ZNF506: variants seen among roughly 807,000 people sequenced by gnomAD.
ZNF506 encodes zinc finger protein 506.
In ZNF506, 10 loss-of-function variants were observed where a neutral mutation model predicts 11.6. The observed-to-expected ratio is 0.86, with a 90% CI of 0.53 to 1.46. The LOEUF (loss-of-function observed/expected upper bound fraction) is 1.46. Among genes scored for constraint, ZNF506 ranks in the 40% most tolerant of loss-of-function variants. The pLI is 0.00. For synonymous variants in ZNF506, 156 were observed against 173.3 expected (o/e 0.90, Z 0.78); for missense variants, 425 against 521.2 (o/e 0.82, Z 1.80).
At chr19:19,818,188 C>T (rs921087297) in intron 1 of ZNF506, among the ~76,000 whole-genome samples, 6 of 152,162 alleles carry the variant, frequency 3.9e-5, no homozygotes, top group African/African-American at 9.6e-5. Flanking sequence ...TTTCAGACAA[C>T]GTATTATTTT....
intron 1 of ZNF506, among the ~76,000 whole-genome samples, chr19:19,817,772 A>G (rs751061362): frequency 1.3e-5 from 2 of 151,642 alleles, no homozygotes; most frequent in African/African-American, 4.8e-5. Context: ...AACTGTTTCA[A>G]TAGTCCTGTG....
rs2062708454 is a variant in ZNF506, at chr19:19,793,214, T to C, written c.*1338A>G. 6.6e-6 allele frequency among the ~76,000 whole-genome samples: 1 copy of C among 152,206 alleles called. No individual in the cohort carries two copies. ...TTATATACAAAAACAGCTTTAGTTG[T>C]GGATTCATTTTTATACTCAATACTC... On this transcript the variant is annotated 3_prime_UTR_variant, in exon 4 of 4. Coordinates refer to ENST00000540806, the MANE Select transcript of ZNF506 (RefSeq NM_001099269.3).
At chr19:19,799,564 A>C (rs1431501051) in intron 3 of ZNF506, 2 of 502,922 alleles carry the variant, frequency 4.0e-6, no homozygotes, top group East Asian at 6.6e-5. Context: ...ATAATTGATA[A>C]ATTTTCAAAT....
Position 19,795,372 on chromosome 19 carries a change from G to A in ZNF506, c.515C>T (p.Ser172Phe). The A allele has an allele frequency of 1.2e-6, 2 of 1,608,296 alleles. No individual in the cohort carries two copies. Among genetic ancestry groups the A allele is most frequent in the Admixed American group, 3.4e-5 (2 of 59,202 alleles). Residue 172 changes from serine to phenylalanine, a missense_variant, in exon 4 of 4, where the codon TCT becomes TTT. This residue lies in a region of ZNF506 where 226 missense variants were observed against 279.1 expected (regional missense o/e 0.81). Transcript: ENST00000540806. ...TTTCCCATATTCTATACATTTAAAAGATTTTTTTCCAGTATCTCTTATCTT... is the reference window on the plus strand; with the variant it reads ...TTTCCCATATTCTATACATTTAAAAAATTTTTTTCCAGTATCTCTTATCTT... ...KHKIRDTGKK[S>F]FKCIEYGKTF...
intron 3 of ZNF506, among the ~76,000 whole-genome samples, chr19:19,803,120 C>T (rs1378523914): frequency 1.3e-5 from 2 of 152,218 alleles, no homozygotes; most frequent in South Asian, 4.1e-4. Context: ...TGGGAAACTA[C>T]AAGACCCCTG....
At chr19:19,800,391 A>AATATATATATATATATAT (rs3062863) in intron 3 of ZNF506, among the ~76,000 whole-genome samples, 14 of 139,244 alleles carry the variant, frequency 1.0e-4, no homozygotes, top group Admixed American at 3.7e-4. Context: ...AACTAAACAG[A>AATATATATATATATATAT]ATATATATAT....
At chr19:19,805,525 C>A (rs2062828772) in intron 3 of ZNF506, among the ~76,000 whole-genome samples, 1 of 151,316 alleles carries the variant, frequency 6.6e-6, no homozygotes, top group Non-Finnish European at 1.5e-5. Flanking sequence ...GGAAAAAGAA[C>A]AAAGCAGAAG....
chr19:19,796,808 A>G (rs1416904290), intron 3 of ZNF506: 1 of 152,216 alleles, frequency 6.6e-6, no homozygotes, highest in Non-Finnish European at 1.5e-5. Context: ...AGAAGCAAAG[A>G]AACTGCAGTA....
intron 3 of ZNF506, among the ~76,000 whole-genome samples, chr19:19,801,909 ACATT>A (rs1398765713): frequency 1.7e-5 from 2 of 117,796 alleles, no homozygotes; most frequent in African/African-American, 8.1e-5. Context: ...ATTTAAACAA[ACATT>A]GTTAGGCCAG....
chr19:19,808,074 C>G (rs1268747672), intron 1 of ZNF506, among the ~76,000 whole-genome samples: 1 of 143,038 alleles, frequency 7.0e-6, no homozygotes, highest in Non-Finnish European at 1.5e-5. Flanking sequence ...AAAAATCTCT[C>G]AGGGAGCTAC....
chr19:19,818,611 T>A (rs1335314212), intron 1 of ZNF506, among the ~76,000 whole-genome samples: 1 of 152,212 alleles, frequency 6.6e-6, no homozygotes, highest in African/African-American at 2.4e-5. Context: ...ACAAATAGAA[T>A]GATTAGAAAC....
rs757160026 is a variant in ZNF506 at position 19,808,108 on chromosome 19, C to CTTTTTTTTTT, written c.4-1050_4-1041dup. On this transcript the variant is annotated intron_variant, in intron 1 of 3. Coordinates refer to ENST00000540806, the MANE Select transcript of ZNF506 (RefSeq NM_001099269.3). The stretch of plus-strand genomic sequence containing the variant: ...ACTTAACCAAGTGAATCATTAACCA[C>CTTTTTTTTTT]TTTTTTTTTTTTTTTTTTTTTTTTT... 3.2e-3 allele frequency among the ~76,000 whole-genome samples: 184 copies of CTTTTTTTTTT among 56,772 alleles called. 35 individuals are homozygous for CTTTTTTTTTT. The highest frequency in any genetic ancestry group is 6.2e-3 in the African/African-American group (80 of 12,970). 37.2% of individuals were successfully genotyped at this position (56,772 alleles called of 152,430 possible).
intron 3 of ZNF506, among the ~76,000 whole-genome samples, chr19:19,804,178 TC>T (rs1279377240): frequency 6.6e-6 from 1 of 152,086 alleles, no homozygotes; most frequent in African/African-American, 2.4e-5. Flanking sequence ...ATTTTTGCAA[TC>T]TACCCATCTG....
intron 3 of ZNF506, chr19:19,798,782 C>G (rs1424736387): frequency 6.9e-6 from 1 of 145,086 alleles, no homozygotes; most frequent in African/African-American, 2.6e-5. Context: ...CACAAAGATA[C>G]AAGAATCAAA....
At chr19:19,799,263 G>A (rs188163385) in intron 3 of ZNF506, 1 of 404,546 alleles carries the variant, frequency 2.5e-6, no homozygotes, top group Non-Finnish European at 4.4e-6. Context: ...TATAATTATA[G>A]TAGGATATTT....
intron 3 of ZNF506, among the ~76,000 whole-genome samples, chr19:19,799,694 C>T (rs1372619525): frequency 6.6e-6 from 1 of 152,030 alleles, no homozygotes; most frequent in East Asian, 1.9e-4. Flanking sequence ...GAATTTAACT[C>T]CATCTCAAAA....
intron 1 of ZNF506, among the ~76,000 whole-genome samples, chr19:19,811,131 A>G (rs2062879776): frequency 6.6e-6 from 1 of 152,146 alleles, no homozygotes; most frequent in African/African-American, 2.4e-5. Flanking sequence ...CTAATATGCA[A>G]TTTAAACAAA....
intron 3 of ZNF506, among the ~76,000 whole-genome samples, chr19:19,804,128 A>C (rs8106100): frequency 0.47 from 71,059 of 151,876 alleles, 18,002 homozygotes; most frequent in East Asian, 0.7. Flanking sequence ...CAAAAGAAAC[A>C]ACCATCAGAA....
chr19:19,819,555 C>T lies in ZNF506; in HGVS notation c.3+2046G>A, dbSNP rs146928326. Among the ~76,000 whole-genome samples the T allele has an allele frequency of 7.4e-3, 1,130 of 152,142 alleles. 10 individuals carry two copies. Among genetic ancestry groups the T allele is most frequent in the Admixed American group, 0.013 (194 of 15,280 alleles). On this transcript the variant is annotated intron_variant, in intron 1 of 3. Transcript: ENST00000540806. ...CCATGGTGGGTATCTTGGTTTATCCCCAGAAAGTACTAAAACCCAGGACCA... is the reference window on the plus strand; with the variant it reads ...CCATGGTGGGTATCTTGGTTTATCCTCAGAAAGTACTAAAACCCAGGACCA...
Sources: allele counts gnomAD v4.1 joint callset (sites outside exome capture counted in the v4.1 genomes callset), GRCh38; gene constraint gnomAD v4.1.1; regional missense constraint gnomAD v4.1.1; transcripts MANE v1.5; gene names NCBI Gene and HGNC (gene_info 2026-07-23, HGNC 2026-07-21).